The following WAC variants were observed in gnomAD, a reference collection of about 807,000 sequenced individuals.
WAC encodes WW domain-containing adapter protein with coiled-coil.
Under a neutral mutation model 79.6 loss-of-function variants are expected in WAC, and 11 were observed. The observed-to-expected ratio is 0.14, with a 90% CI of 0.09 to 0.23. WAC has a LOEUF of 0.23. Ranked by LOEUF, WAC falls within the 10% of genes least tolerant of loss-of-function variation. The pLI, the probability that WAC is intolerant of heterozygous loss-of-function variation, is 1.00. For missense variants in WAC, 728 were observed against 773.5 expected (o/e 0.94, Z 0.70); for synonymous variants, 304 against 276.9 (o/e 1.10, Z -0.97).
intron 6 of WAC, 143 bp downstream of exon 6, chr10:28,590,975 C>T (rs924389751): frequency 2.7e-6 from 2 of 736,852 alleles, no homozygotes; most frequent in African/African-American, 3.6e-5. Flanking sequence ...TTTATTATAC[C>T]CTCCACCATT....
intron 3 of WAC, among the ~76,000 whole-genome samples, chr10:28,559,668 TGTTATC>T (rs1456385071): frequency 6.6e-6 from 1 of 152,186 alleles, no homozygotes; most frequent in Non-Finnish European, 1.5e-5. Flanking sequence ...CACTGATTAT[TGTTATC>T]GTTAATGATA....
intron 11 of WAC, 73 bp from the exon 12 acceptor site, chr10:28,616,100 A>G (rs1339968932): frequency 2.4e-6 from 3 of 1,243,746 alleles, no homozygotes; most frequent in Admixed American, 5.2e-5. Context: ...AAAGGTATTA[A>G]CATGCAGTTT....
At chr10:28,587,879 G>T (rs1403470891) in intron 4 of WAC, among the ~76,000 whole-genome samples, 1 of 151,966 alleles carries the variant, frequency 6.6e-6, no homozygotes, top group African/African-American at 2.4e-5. Context: ...CCTGGAGGTT[G>T]TGCCAGAATG....
chr10:28,562,114 G>T (rs1017198750), intron 3 of WAC, among the ~76,000 whole-genome samples: 10 of 152,172 alleles, frequency 6.6e-5, no homozygotes, highest in African/African-American at 2.4e-4. Flanking sequence ...TTGGAGTGCA[G>T]TGGCGCCATC....
At chr10:28,542,503 A>G (rs556570096) in intron 3 of WAC, among the ~76,000 whole-genome samples, 27 of 152,378 alleles carry the variant, frequency 1.8e-4, no homozygotes, top group Admixed American at 9.8e-4. Context: ...TTACACGTAT[A>G]AAATGGTTAA....
Position 28,619,696 on chromosome 10 carries a change from T to C in WAC, c.*90T>C. 8.9e-7 allele frequency: 1 copy of C among 1,126,998 alleles called. No homozygotes were observed. Among genetic ancestry groups the C allele is most frequent in the Non-Finnish European group, 1.2e-6 (1 of 809,386 alleles). 69.8% of individuals were successfully genotyped at this position (1,126,998 alleles called of 1,614,324 possible). A position where few individuals can be genotyped will look rare whatever the true frequency, so the allele number is the denominator to read the frequency against. On this transcript the variant is annotated 3_prime_UTR_variant, in exon 14 of 14. Coordinates refer to ENST00000354911, the MANE Select transcript of WAC (RefSeq NM_016628.5). ...TTTTTGAGCTGCATTTAAGTAGACT[T>C]TGGACCGTTAAGCTGGGCAAAGGAA...
intron 7 of WAC, among the ~76,000 whole-genome samples, chr10:28,601,348 A>G (rs979333364): frequency 1.3e-5 from 2 of 152,176 alleles, no homozygotes; most frequent in Non-Finnish European, 2.9e-5. Context: ...ATGCAATTCA[A>G]AAGCCATAAT....
At position 28,590,792 on chromosome 10, in the gene WAC, G is replaced by A. The variant is rs150024546; in HGVS notation, c.570G>A (p.Glu190=). The change falls in exon 6 of 14, where the codon GAG becomes GAA. Residue 190 remains glutamate (E), a synonymous_variant. Coordinates refer to ENST00000354911, the MANE Select transcript of WAC (RefSeq NM_016628.5). The part of the protein sequence containing the change: ...SFPKDRDYRR[E]VMQATATSGF... ...CAAAAGATAGGGATTACAGAAGAGA[G>A]GTGATGCAAGCAACAGCCACTAGTG... is the stretch of plus-strand genomic sequence containing the variant. 2.5e-6 allele frequency: 4 copies of A among 1,611,972 alleles called. No individual in the cohort carries two copies. Among genetic ancestry groups the A allele is most frequent in the African/African-American group, 1.3e-5 (1 of 74,788 alleles).
chr10:28,614,476 A>G (rs201471081), intron 10 of WAC, 91 bp from the exon 11 acceptor site: 5 of 358,810 alleles, frequency 1.4e-5, no homozygotes, highest in Non-Finnish European at 2.2e-5. Context: ...TGACTGCCAC[A>G]TTTTACATGT....
chr10:28,583,266 G>A (rs1243659929), intron 3 of WAC, 133 bp from the exon 4 acceptor site: 8 of 600,822 alleles, frequency 1.3e-5, no homozygotes, highest in Non-Finnish European at 1.4e-5. Context: ...GTATGACTGT[G>A]TATATATTCC....
intron 3 of WAC, among the ~76,000 whole-genome samples, chr10:28,579,869 T>C (rs974385691): frequency 1.3e-5 from 2 of 152,228 alleles, no homozygotes; most frequent in Non-Finnish European, 2.9e-5. Flanking sequence ...AAATCTGCAC[T>C]ACCTTCAGGT....
chr10:28,599,493 A>G (rs1048612944), intron 7 of WAC, among the ~76,000 whole-genome samples: 1 of 152,232 alleles, frequency 6.6e-6, no homozygotes, highest in Admixed American at 6.5e-5. Flanking sequence ...ATAGGCATCC[A>G]TGTTCTATGT....
In WAC at chr10:28,589,739, T is replaced by TA; in HGVS notation, c.386dup (p.Tyr129Ter). Reference protein sequence around the residue: ...NNPSKTSDAPYDSADDWSEHI... With the variant: ...NNPSKTSDAP ...TTGTAAAAAATATATTTTTAAGCCT[T>TA]ATGATTCTGCAGATGACTGGTCTGA... Residue 129 changes from tyrosine to a stop codon, truncating the protein, a stop_gained and frameshift_variant, in exon 5 of 14, where the codon TAT (tyrosine) becomes TAAT (stop). Transcript: ENST00000354911. LOFTEE classifies it high-confidence loss of function. 1 of 1,592,428 alleles carries TA rather than the reference T, an allele frequency of 6.3e-7. No homozygotes were observed. The highest frequency in any genetic ancestry group is 8.6e-7 in the Non-Finnish European group (1 of 1,165,832).
intron 5 of WAC, 41 bp downstream of exon 5, chr10:28,589,892 T>A: frequency 7.0e-7 from 1 of 1,421,362 alleles, no homozygotes; most frequent in Non-Finnish European, 9.9e-7. Flanking sequence ...TTTCTCTAGC[T>A]TGGTTCTACT....
chr10:28,542,172 T>G (rs945663257), intron 3 of WAC, among the ~76,000 whole-genome samples: 1 of 152,226 alleles, frequency 6.6e-6, no homozygotes, highest in African/African-American at 2.4e-5. Context: ...CTGTGCTCAC[T>G]CACTTCAGTA....
At position 28,621,181 on chromosome 10, in the gene WAC, T is replaced by A. The variant is rs557816060; in HGVS notation, c.*1575T>A. On this transcript the variant is annotated 3_prime_UTR_variant, in exon 14 of 14. Transcript: ENST00000354911. ...AAAGGTGTTTCTTCTTCTTCTTCTT[T>A]TTTTTCTTTAAATTGGTTTAGGGTT... 6.6e-6 allele frequency: 1 copy of A among 150,790 alleles called. No homozygotes were observed. The highest frequency in any genetic ancestry group is 2.1e-4 in the South Asian group (1 of 4,784). The allele number at this position is 150,790 out of a possible 1,614,324, so 9.3% of individuals were successfully genotyped here. A position where few individuals can be genotyped will look rare whatever the true frequency, so the allele number is the denominator to read the frequency against.
chr10:28,544,442 T>C (rs1837241406), intron 3 of WAC, among the ~76,000 whole-genome samples: 1 of 152,162 alleles, frequency 6.6e-6, no homozygotes, highest in Non-Finnish European at 1.5e-5. Flanking sequence ...AATTTCTGAG[T>C]GTTTGTGTCC....
intron 13 of WAC, among the ~76,000 whole-genome samples, chr10:28,618,565 G>T (rs761954950): frequency 3.9e-5 from 6 of 152,130 alleles, no homozygotes; most frequent in Non-Finnish European, 8.8e-5. Context: ...TACATCATTC[G>T]ACTTTTGGGA....
chr10:28,607,895 C>T (rs1235017849), intron 7 of WAC, among the ~76,000 whole-genome samples: 1 of 152,146 alleles, frequency 6.6e-6, no homozygotes, highest in Non-Finnish European at 1.5e-5. Flanking sequence ...TGGTGGTAGA[C>T]AGATTGGTAC....
Sources: gnomAD v4.1 joint callset for allele counts (sites outside exome capture counted in the v4.1 genomes callset) on GRCh38, gnomAD v4.1.1 for gene constraint, MANE v1.5 for transcripts, NCBI Gene and HGNC (gene_info 2026-07-23, HGNC 2026-07-21) for gene names.